The following HIVEP3 variants were observed in gnomAD, a reference collection of about 807,000 sequenced individuals.
HIVEP3 encodes HIVEP zinc finger 3, also known as transcription factor HIVEP3.
Under a neutral mutation model 152.8 loss-of-function variants are expected in HIVEP3, and 49 were observed. The observed-to-expected ratio is 0.32, with a 90% CI of 0.26 to 0.41. HIVEP3 has a LOEUF of 0.41. HIVEP3 is among the 10% of genes least tolerant of loss of function. The probability of loss-of-function intolerance (pLI) is 1.00; values close to 1 mark genes in which losing one functional copy is unlikely to be tolerated. For missense variants in HIVEP3, 2,790 were observed against 3,103.3 expected (o/e 0.90, Z 2.40); for synonymous variants, 1,269 against 1,289.0 (o/e 0.98, Z 0.33).
intron 1 of HIVEP3, among the ~76,000 whole-genome samples, chr1:41,966,599 G>A (rs1363033405): frequency 7.3e-5 from 11 of 150,660 alleles, no homozygotes; most frequent in African/African-American, 1.2e-4. Flanking sequence ...TCAGCCTCCC[G>A]AGTAGCTGGG....
intron 1 of HIVEP3, among the ~76,000 whole-genome samples, chr1:42,020,227 G>A (rs1360459992): frequency 1.3e-5 from 2 of 151,870 alleles, no homozygotes; most frequent in African/African-American, 4.8e-5. Flanking sequence ...GCTGGGAAAT[G>A]TTACTTTTTT....
intron 1 of HIVEP3, among the ~76,000 whole-genome samples, chr1:41,757,169 G>A (rs12759327): frequency 0.35 from 52,074 of 149,726 alleles, 9,293 homozygotes; most frequent in East Asian, 0.47. Flanking sequence ...AGGCTGGAGC[G>A]CAGTGGCGTG....
At chr1:41,544,095 T>G (rs1643601250) in intron 5 of HIVEP3, 1 of 152,086 alleles carries the variant, frequency 6.6e-6, no homozygotes, top group South Asian at 2.1e-4. Context: ...CAGAGCACCA[T>G]GCCACCTTTA....
At chr1:41,952,422 GTTCATTCA>G (rs142386133) in intron 1 of HIVEP3, among the ~76,000 whole-genome samples, 311 of 151,096 alleles carry the variant, frequency 2.1e-3, no homozygotes, top group East Asian at 8.0e-3. Flanking sequence ...ATTTTCTTTT[GTTCATTCA>G]TTCATTCATT....
intron 1 of HIVEP3, among the ~76,000 whole-genome samples, chr1:41,998,879 TTC>T (rs78057334): frequency 0.044 from 4,836 of 110,122 alleles, 1,029 homozygotes; most frequent in Middle Eastern, 0.093. Context: ...TTTAATACTT[TTC>T]TCTCTCTCTT....
At position 42,009,171 on chromosome 1, in the gene HIVEP3, G is replaced by T. The variant is rs540384848; in HGVS notation, n.119+26636C>A. 4.6e-5 allele frequency among the ~76,000 whole-genome samples: 7 copies of T among 152,314 alleles called. No individual in the cohort carries two copies. In the East Asian group the frequency reaches 1.3e-3, roughly 29 times the overall value. ...AGAAAACGTGAGTATAGAATTATTAGTTTACTTTCCCTTAAAACTTTGAAA... is the reference window on the plus strand; with the variant it reads ...AGAAAACGTGAGTATAGAATTATTATTTTACTTTCCCTTAAAACTTTGAAA... On this transcript the variant is annotated intron_variant and non_coding_transcript_variant, in intron 1 of 3. Coordinates refer to the HIVEP3 transcript ENST00000489103.
intron 1 of HIVEP3, among the ~76,000 whole-genome samples, chr1:41,827,880 T>C (rs1186804241): frequency 6.7e-6 from 1 of 150,296 alleles, no homozygotes; most frequent in Non-Finnish European, 1.5e-5. Flanking sequence ...TGGGGTAAAG[T>C]AGGGAGAGAG....
intron 1 of HIVEP3, among the ~76,000 whole-genome samples, chr1:41,704,853 G>A (rs1217863985): frequency 6.6e-6 from 1 of 152,216 alleles, no homozygotes; most frequent in African/African-American, 2.4e-5. Context: ...CAAAGCTGGA[G>A]CTGTTTGACT....
At chr1:41,853,994 C>G (rs1044026850) in intron 1 of HIVEP3, among the ~76,000 whole-genome samples, 2 of 152,154 alleles carry the variant, frequency 1.3e-5, no homozygotes, top group East Asian at 3.9e-4. Flanking sequence ...GAAAGAAAGG[C>G]ACCAGAGAAG....
intron 3 of HIVEP3, among the ~76,000 whole-genome samples, chr1:41,611,404 G>A (rs7517323): frequency 0.011 from 1,707 of 152,294 alleles, 33 homozygotes; most frequent in African/African-American, 0.04. Flanking sequence ...AAATGCTGAT[G>A]GGGACAGAGC....
chr1:41,525,763 T>A (rs1421735691), intron 5 of HIVEP3, among the ~76,000 whole-genome samples: 3 of 152,142 alleles, frequency 2.0e-5, no homozygotes, highest in African/African-American at 7.2e-5. Context: ...AACCCACGAG[T>A]CCCACATGCG....
At chr1:41,872,263 T>C (rs578094417) in intron 1 of HIVEP3, among the ~76,000 whole-genome samples, 6 of 152,294 alleles carry the variant, frequency 3.9e-5, no homozygotes, top group East Asian at 3.8e-4. Flanking sequence ...GGAAATGACA[T>C]AGTACAGAAA....
intron 1 of HIVEP3, among the ~76,000 whole-genome samples, chr1:41,895,951 C>T (rs59028237): frequency 0.027 from 4,049 of 152,240 alleles, 179 homozygotes; most frequent in African/African-American, 0.094. Flanking sequence ...TATAATTCAC[C>T]GCTAATCACG....
chr1:41,797,545 G>A (rs1224048080), intron 1 of HIVEP3, among the ~76,000 whole-genome samples: 5 of 152,090 alleles, frequency 3.3e-5, no homozygotes, highest in African/African-American at 9.7e-5. Context: ...TAGGAGGAGG[G>A]GAAATATTTT....
intron 3 of HIVEP3, among the ~76,000 whole-genome samples, chr1:41,596,511 C>T (rs1644668140): frequency 6.6e-6 from 1 of 152,208 alleles, no homozygotes; most frequent in African/African-American, 2.4e-5. Context: ...CAGTGTCTTC[C>T]AGGTGAACCT....
At chr1:41,733,119 G>A (rs1373804026) in intron 1 of HIVEP3, among the ~76,000 whole-genome samples, 2 of 151,914 alleles carry the variant, frequency 1.3e-5, no homozygotes, top group African/African-American at 4.9e-5. Flanking sequence ...GCTGGTCCCT[G>A]ATAATCCAGG....
chr1:41,679,453 A>G (rs1646005910), intron 2 of HIVEP3, among the ~76,000 whole-genome samples: 1 of 152,150 alleles, frequency 6.6e-6, no homozygotes, highest in African/African-American at 2.4e-5. Flanking sequence ...GGTGCGTGGG[A>G]CTCATTTGCC....
chr1:41,562,616 TCTCTCTCTCTCTCTCTCC>T (rs1310937821), intron 5 of HIVEP3, among the ~76,000 whole-genome samples: 5 of 112,804 alleles, frequency 4.4e-5, no homozygotes, highest in African/African-American at 1.5e-4. Flanking sequence ...TCTCTCTCTC[TCTCTCTCTCTCTCTCTCC>T]CTCTCTCTCT....
chr1:41,518,412 T>C lies in HIVEP3; in HGVS notation c.5460A>G (p.Glu1820=), dbSNP rs772753332. The C allele has an allele frequency of 2.0e-5, 32 of 1,614,020 alleles. No homozygotes were observed. In the Admixed American group the frequency reaches 5.0e-4, roughly 25 times the overall value. ...GTTGGCAATTGTTACCTTCTTCGGC[T>C]TCCAGCTCCTCCAGCACCCCTGTCT... ...CQETGVLEEL[E]AEEGTSDDLF... Residue 1820 remains glutamate, a synonymous_variant, in exon 7 of 9, where the codon GAA becomes GAG. Transcript: ENST00000372583.
Sources: gnomAD v4.1 joint callset for allele counts (sites outside exome capture counted in the v4.1 genomes callset) on GRCh38, gnomAD v4.1.1 for gene constraint, MANE v1.5 for transcripts, NCBI Gene and HGNC (gene_info 2026-07-23, HGNC 2026-07-21) for gene names.